TBCA: variants seen among roughly 807,000 people sequenced by gnomAD.
The protein encoded by TBCA is tubulin folding cofactor A.
A neutral mutation model predicts 15.8 loss-of-function variants in TBCA; 6 were observed. The ratio of observed to expected loss-of-function variants is 0.38; its 90% CI spans 0.21 to 0.75. TBCA has a LOEUF of 0.75. Ranked by LOEUF, TBCA falls within the 30% of genes least tolerant of loss-of-function variation. The pLI is 0.46. For synonymous variants in TBCA, 32 were observed against 42.3 expected (o/e 0.76, Z 0.94); for missense variants, 90 against 131.2 (o/e 0.69, Z 1.53).
intron 1 of TBCA, among the ~76,000 whole-genome samples, chr5:77,771,970 AG>A (rs1302776404): frequency 6.6e-6 from 1 of 152,192 alleles, no homozygotes; most frequent in Non-Finnish European, 1.5e-5. Context: ...TTCCAAATAA[AG>A]GTTGTGACTT....
chr5:77,739,800 C>T lies in TBCA; in HGVS notation c.54-31453G>A, dbSNP rs146017922. On this transcript the variant is annotated intron_variant, in intron 1 of 3. Coordinates refer to ENST00000380377, the MANE Select transcript of TBCA (RefSeq NM_004607.3). ...ACCAAAAACAAACAAACAAAAAAGA[C>T]ACTAAGGAATTCCACAACTAGAAAC... is the stretch of plus-strand genomic sequence containing the variant. Among the ~76,000 whole-genome samples, 824 of 152,270 alleles carry T rather than the reference C, an allele frequency of 5.4e-3. 2 individuals carry two copies. The highest frequency in any genetic ancestry group is 0.019 in the African/African-American group (771 of 41,568).
At chr5:77,714,934 C>T (rs886132315) in intron 1 of TBCA, among the ~76,000 whole-genome samples, 5 of 152,142 alleles carry the variant, frequency 3.3e-5, no homozygotes, top group Non-Finnish European at 4.4e-5. Context: ...CAGCAATGAA[C>T]TACAAAAATC....
rs550627811 is a variant in TBCA, at chr5:77,708,268, C to T, written c.133G>A (p.Gly45Ser). ...TGCTTTTTAATGTCATAATTTTCACCGTCTTCAGCTCTCATTTTTTCAATC... is the reference window on the plus strand; with the variant it reads ...TGCTTTTTAATGTCATAATTTTCACTGTCTTCAGCTCTCATTTTTTCAATC... ...EKIEKMRAED[G>S]ENYDIKKQAE... The change falls in exon 2 of 4, where the codon GGT becomes AGT. Residue 45 changes from glycine (G) to serine (S), a missense_variant. Gly to Ser is a moderately conservative substitution (Grantham distance 56, BLOSUM62 0). Transcript: ENST00000380377. The T allele has an allele frequency of 3.7e-5, 59 of 1,606,626 alleles. No homozygotes were observed. In the South Asian group the frequency reaches 4.0e-4, roughly 11 times the overall value.
At chr5:77,730,244 A>G (rs1004402606) in intron 1 of TBCA, among the ~76,000 whole-genome samples, 2 of 152,194 alleles carry the variant, frequency 1.3e-5, no homozygotes, top group Non-Finnish European at 2.9e-5. Flanking sequence ...GGTAGGCCAT[A>G]AATCCAAGGA....
At chr5:77,742,698 G>A (rs1383553290) in intron 1 of TBCA, among the ~76,000 whole-genome samples, 2 of 152,174 alleles carry the variant, frequency 1.3e-5, no homozygotes, top group Non-Finnish European at 2.9e-5. Flanking sequence ...TATATGAGCT[G>A]TGAAGATGGT....
intron 1 of TBCA, among the ~76,000 whole-genome samples, chr5:77,773,908 G>C (rs1747964695): frequency 1.3e-5 from 2 of 152,100 alleles, no homozygotes; most frequent in African/African-American, 2.4e-5. Flanking sequence ...TGCTCTTCTT[G>C]GGTCTGAACA....
intron 1 of TBCA, among the ~76,000 whole-genome samples, chr5:77,763,171 G>A (rs1195521993): frequency 1.3e-5 from 2 of 152,164 alleles, no homozygotes; most frequent in African/African-American, 4.8e-5. Context: ...GTGAACCCGG[G>A]AGGCGGAGCT....
At chr5:77,732,722 T>TTG (rs1746803395) in intron 1 of TBCA, among the ~76,000 whole-genome samples, 1 of 152,172 alleles carries the variant, frequency 6.6e-6, no homozygotes, top group Non-Finnish European at 1.5e-5. Flanking sequence ...TTACGGTGAT[T>TTG]TGTGATCACT....
At position 77,742,518 on chromosome 5, in the gene TBCA, T is replaced by G. The variant is rs145567950; in HGVS notation, c.53+33687A>C. On this transcript the variant is annotated intron_variant, in intron 1 of 3. Coordinates refer to ENST00000380377, the MANE Select transcript of TBCA (RefSeq NM_004607.3). ...ATTACATAAAGTCAACATTTTTTAT[T>G]GTAAAGAAAAGAAAAAACAAAGTTA... 5.4e-3 allele frequency among the ~76,000 whole-genome samples: 823 copies of G among 152,332 alleles called. 2 individuals carry two copies. The highest frequency in any genetic ancestry group is 0.019 in the African/African-American group (770 of 41,566).
At chr5:77,719,020 A>C (rs2662379) in intron 1 of TBCA, among the ~76,000 whole-genome samples, 85,200 of 152,016 alleles carry the variant, frequency 0.56, 24,058 homozygotes, top group South Asian at 0.66. Flanking sequence ...TACTTCGACA[A>C]TTAAAAATAA....
chr5:77,759,537 T>G (rs1055367706), intron 1 of TBCA, among the ~76,000 whole-genome samples: 2 of 152,170 alleles, frequency 1.3e-5, no homozygotes, highest in Admixed American at 6.5e-5. Context: ...CCTTTGAATT[T>G]TATTTTTGGT....
intron 1 of TBCA, among the ~76,000 whole-genome samples, chr5:77,768,559 G>A (rs952297856): frequency 5.9e-5 from 9 of 152,064 alleles, no homozygotes; most frequent in African/African-American, 2.2e-4. Context: ...CTGCTTATCC[G>A]ATCAGGTTCA....
At chr5:77,747,593 G>A (rs1381032033) in intron 1 of TBCA, among the ~76,000 whole-genome samples, 1 of 152,108 alleles carries the variant, frequency 6.6e-6, no homozygotes, top group East Asian at 1.9e-4. Flanking sequence ...TCTATTAACA[G>A]CTTAAAACAG....
At chr5:77,732,692 G>A (rs565571610) in intron 1 of TBCA, among the ~76,000 whole-genome samples, 1 of 151,592 alleles carries the variant, frequency 6.6e-6, no homozygotes, top group East Asian at 1.9e-4. Flanking sequence ...CTTCAACCTT[G>A]TTCACTATTA....
chr5:77,720,722 A>T (rs1561270263), intron 1 of TBCA, among the ~76,000 whole-genome samples: 2 of 152,190 alleles, frequency 1.3e-5, no homozygotes. Flanking sequence ...TCAAAAAAAT[A>T]AAAAAATTAA....
At chr5:77,732,558 A>C (rs888945521) in intron 1 of TBCA, among the ~76,000 whole-genome samples, 1,998 of 63,472 alleles carry the variant, frequency 0.031, 45 homozygotes, top group African/African-American at 0.084. Context: ...CTCAAAAAAA[A>C]AAAAAAAAAA....
At chr5:77,773,277 G>T (rs573918927) in intron 1 of TBCA, among the ~76,000 whole-genome samples, 1 of 152,144 alleles carries the variant, frequency 6.6e-6, no homozygotes, top group African/African-American at 2.4e-5. Context: ...GAAAGTTGTA[G>T]ATTTGAAACC....
At chr5:77,725,939 TG>T (rs1161508763) in intron 1 of TBCA, among the ~76,000 whole-genome samples, 1 of 152,200 alleles carries the variant, frequency 6.6e-6, no homozygotes, top group Non-Finnish European at 1.5e-5. Context: ...GTCACTTATA[TG>T]AAGGGTGGAG....
intron 1 of TBCA, among the ~76,000 whole-genome samples, chr5:77,750,633 T>C (rs1462553246): frequency 6.6e-6 from 1 of 151,986 alleles, no homozygotes; most frequent in Non-Finnish European, 1.5e-5. Context: ...AAGAAAAAAA[T>C]AGTAAGAGGC....
Sources: gnomAD v4.1 joint callset for allele counts (sites outside exome capture counted in the v4.1 genomes callset) on GRCh38, gnomAD v4.1.1 for gene constraint, MANE v1.5 for transcripts, NCBI Gene and HGNC (gene_info 2026-07-23, HGNC 2026-07-21) for gene names.